Variants in ADAMTS6 observed in about 807,000 individuals in gnomAD.
ADAMTS6 encodes the protein A disintegrin and metalloproteinase with thrombospondin motifs 6.
ADAMTS6 carries 23 observed loss-of-function variants against 144.3 expected under a neutral mutation model. The observed-to-expected ratio is 0.16, with a 90% CI of 0.11 to 0.23. The LOEUF is 0.23. Ranked by LOEUF, ADAMTS6 falls within the 10% of genes least tolerant of loss-of-function variation. The pLI, the probability that ADAMTS6 is intolerant of heterozygous loss-of-function variation, is 1.00. For missense variants in ADAMTS6, 999 were observed against 1,379.6 expected, an observed-to-expected ratio of 0.72 and a Z score of 4.37; for synonymous variants, 444 against 457.5, an observed-to-expected ratio of 0.97 and a Z score of 0.38.
intron 7 of ADAMTS6, among the ~76,000 whole-genome samples, chr5:65,371,635 C>T (rs1750929749): frequency 6.6e-6 from 1 of 152,174 alleles, no homozygotes; most frequent in East Asian, 1.9e-4. Flanking sequence ...AAGACCAAAT[C>T]TACGTCTGAT....
chr5:65,170,199 T>C (rs1022338619), intron 24 of ADAMTS6, among the ~76,000 whole-genome samples: 1 of 152,222 alleles, frequency 6.6e-6, no homozygotes, highest in Non-Finnish European at 1.5e-5. Flanking sequence ...GCTTTCATTA[T>C]ATGTATAACA....
chr5:65,370,333 C>A (rs956295370), intron 7 of ADAMTS6, among the ~76,000 whole-genome samples: 2 of 152,142 alleles, frequency 1.3e-5, no homozygotes, highest in Non-Finnish European at 1.5e-5. Context: ...ACGCAGAAGG[C>A]GGGTGATTTC....
intron 7 of ADAMTS6, among the ~76,000 whole-genome samples, chr5:65,395,416 T>C (rs747040018): frequency 6.6e-6 from 1 of 152,088 alleles, no homozygotes; most frequent in East Asian, 1.9e-4. Flanking sequence ...CCACAGGAAA[T>C]TTTTTTAACA....
At chr5:65,228,753 A>T (rs548579454) in intron 15 of ADAMTS6, among the ~76,000 whole-genome samples, 2 of 152,328 alleles carry the variant, frequency 1.3e-5, no homozygotes, top group Admixed American at 1.3e-4. Flanking sequence ...GAGTATAGAG[A>T]GTAAGCACCA....
intron 24 of ADAMTS6, among the ~76,000 whole-genome samples, chr5:65,167,664 A>G (rs1753275217): frequency 7.8e-6 from 1 of 127,574 alleles, no homozygotes; most frequent in Non-Finnish European, 1.6e-5. Flanking sequence ...ATCCAGCAGC[A>G]CATCAAAAAG....
chr5:65,294,736 A>C (rs527580813), intron 10 of ADAMTS6, among the ~76,000 whole-genome samples: 34 of 152,294 alleles, frequency 2.2e-4, no homozygotes, highest in Admixed American at 2.0e-4. Flanking sequence ...TAGAAGACAT[A>C]AATGTGAGCA....
At chr5:65,471,343 C>G (rs1414919761) in intron 2 of ADAMTS6, among the ~76,000 whole-genome samples, 3 of 152,050 alleles carry the variant, frequency 2.0e-5, no homozygotes, top group Non-Finnish European at 4.4e-5. Context: ...AAGTTGCCAT[C>G]ATTTTAATAT....
intron 24 of ADAMTS6, among the ~76,000 whole-genome samples, chr5:65,153,263 C>T (rs914513499): frequency 2.6e-5 from 4 of 152,192 alleles, no homozygotes; most frequent in Admixed American, 2.6e-4. Flanking sequence ...ATCTCTGCCA[C>T]CACCCAGCTC....
chr5:65,415,789 G>A, intron 7 of ADAMTS6: 1 of 258,440 alleles, frequency 3.9e-6, no homozygotes. Context: ...GGTGGCCACT[G>A]CCATACACGA....
chr5:65,294,696 T>G lies in ADAMTS6; in HGVS notation c.1371-3226A>C, dbSNP rs183754931. On this transcript the variant is annotated intron_variant, in intron 10 of 24. Transcript: ENST00000381055. ...ATGCCTCTGAGTCATCAATTACCAT[T>G]ATGAAATATTACAGATATAGATACA... 3.6e-4 allele frequency among the ~76,000 whole-genome samples: 55 copies of G among 152,304 alleles called. 3 individuals carry two copies. The East Asian group carries it at 9.6e-3, about 27-fold the overall frequency.
chr5:65,372,868 C>T (rs1371281454), intron 7 of ADAMTS6, among the ~76,000 whole-genome samples: 1 of 152,054 alleles, frequency 6.6e-6, no homozygotes, highest in South Asian at 2.1e-4. Flanking sequence ...TAAAGCTCTC[C>T]TCAGCAAATG....
intron 8 of ADAMTS6, 43 bp from the exon 9 acceptor site, chr5:65,329,526 T>A: frequency 6.5e-7 from 1 of 1,536,402 alleles, no homozygotes; most frequent in Admixed American, 2.1e-5. Context: ...GCCAAGGTGT[T>A]TCAGTCTTTA....
At chr5:65,300,638 CTT>C (rs1340006416) in intron 9 of ADAMTS6, among the ~76,000 whole-genome samples, 1 of 146,278 alleles carries the variant, frequency 6.8e-6, no homozygotes. Context: ...CTTTTTCTTT[CTT>C]TTTTTTTTTG....
At chr5:65,334,826 T>C (rs1345052462) in intron 7 of ADAMTS6, among the ~76,000 whole-genome samples, 1 of 152,180 alleles carries the variant, frequency 6.6e-6, no homozygotes, top group African/African-American at 2.4e-5. Context: ...TCAATATTGA[T>C]ATAAACATTT....
intron 10 of ADAMTS6, among the ~76,000 whole-genome samples, chr5:65,292,437 T>C (rs1159017633): frequency 6.7e-6 from 1 of 149,720 alleles, no homozygotes; most frequent in Non-Finnish European, 1.5e-5. Flanking sequence ...CAAAGGAAAA[T>C]AATTTCACAA....
At chr5:65,348,513 G>C (rs950688212) in intron 7 of ADAMTS6, among the ~76,000 whole-genome samples, 5 of 152,042 alleles carry the variant, frequency 3.3e-5, no homozygotes, top group African/African-American at 1.2e-4. Flanking sequence ...GGGAGAGAAG[G>C]GAATGGGGAG....
rs747529579 is a variant in ADAMTS6 at position 65,291,345 on chromosome 5, C to T, written c.1496G>A (p.Arg499His). The change falls in exon 11 of 25, where the codon CGC becomes CAC. Residue 499 changes from arginine (R) to histidine (H), a missense_variant. Transcript: ENST00000381055. ...ACTTCTTACCCCATATTTACATTGG[C>T]GGGAGGTTGCTCCATACTGGAAACG... Reference protein sequence around the residue: ...QCRFQYGATSRQCKYGEVCRE... With the variant: ...QCRFQYGATSHQCKYGEVCRE... 42 of 1,613,316 alleles carry T rather than the reference C, an allele frequency of 2.6e-5. 1 individual carries two copies. In the Middle Eastern group the frequency reaches 6.6e-4, roughly 25 times the overall value.
intron 7 of ADAMTS6, among the ~76,000 whole-genome samples, chr5:65,414,025 A>G (rs1377458335): frequency 6.6e-6 from 1 of 152,138 alleles, no homozygotes; most frequent in Admixed American, 6.5e-5. Context: ...TTTTCCTAGG[A>G]AGGAAGTCAT....
chr5:65,321,708 CTTTTTTTTTTTT>C (rs529236363), intron 9 of ADAMTS6, among the ~76,000 whole-genome samples: 19 of 78,888 alleles, frequency 2.4e-4, no homozygotes, highest in Non-Finnish European at 3.4e-4. Context: ...TTTTCTTTTC[CTTTTTTTTTTTT>C]TTTTTTTTTT....
Sources: gnomAD v4.1 joint callset for allele counts (sites outside exome capture counted in the v4.1 genomes callset) on GRCh38, gnomAD v4.1.1 for gene constraint, MANE v1.5 for transcripts, NCBI Gene and HGNC (gene_info 2026-07-23, HGNC 2026-07-21) for gene names.